EPHA6: variants seen among roughly 807,000 people sequenced by gnomAD.
EPHA6 encodes EPH receptor A6.
A neutral mutation model predicts 112.0 loss-of-function variants in EPHA6; 50 were observed. The ratio of observed to expected loss-of-function variants is 0.45; its 90% confidence interval spans 0.36 to 0.56. EPHA6 has a LOEUF of 0.56. EPHA6 is among the 20% of genes least tolerant of loss of function. EPHA6 has a pLI of 0.00. For missense variants in EPHA6, 1,280 were observed against 1,417.4 expected, an observed-to-expected ratio of 0.90 and a Z score of 1.56; for synonymous variants, 529 against 490.7, an observed-to-expected ratio of 1.08 and a Z score of -1.03.
At chr3:96,987,051 A>G (rs763361325) in intron 2 of EPHA6, among the ~76,000 whole-genome samples, 1 of 152,222 alleles carries the variant, frequency 6.6e-6, no homozygotes, top group East Asian at 1.9e-4. Context: ...TGAAACAGGT[A>G]CTATTATCAG....
chr3:97,709,124 G>C (rs931915340), intron 14 of EPHA6, among the ~76,000 whole-genome samples: 1 of 145,434 alleles, frequency 6.9e-6, no homozygotes, highest in East Asian at 2.1e-4. Flanking sequence ...CAAGACCCCA[G>C]AGTGTTACAT....
At chr3:97,588,721 C>G (rs2093514967) in intron 11 of EPHA6, among the ~76,000 whole-genome samples, 1 of 152,160 alleles carries the variant, frequency 6.6e-6, no homozygotes, top group African/African-American at 2.4e-5. Context: ...TTCTCATGAA[C>G]AGCCCACTAG....
intron 6 of EPHA6, among the ~76,000 whole-genome samples, chr3:97,438,773 C>T (rs1225228107): frequency 6.6e-6 from 1 of 152,104 alleles, no homozygotes; most frequent in Non-Finnish European, 1.5e-5. Flanking sequence ...AACAATGCTA[C>T]GTTACACACC....
At chr3:97,631,206 A>G (rs1317841530) in intron 13 of EPHA6, among the ~76,000 whole-genome samples, 1 of 152,040 alleles carries the variant, frequency 6.6e-6, no homozygotes, top group African/African-American at 2.4e-5. Context: ...CCAAAGGACG[A>G]TCAGTACCCC....
chr3:97,077,536 C>T (rs1395927084), intron 3 of EPHA6, among the ~76,000 whole-genome samples: 1 of 152,120 alleles, frequency 6.6e-6, no homozygotes, highest in African/African-American at 2.4e-5. Context: ...CTATCCCTGC[C>T]CCCGCCCCAT....
chr3:97,169,736 C>T (rs2076640681), intron 3 of EPHA6, among the ~76,000 whole-genome samples: 3 of 152,032 alleles, frequency 2.0e-5, no homozygotes, highest in Admixed American at 1.3e-4. Flanking sequence ...CTCATTTTAC[C>T]TCACCTTAGT....
intron 3 of EPHA6, among the ~76,000 whole-genome samples, chr3:97,053,820 A>G (rs1255579278): frequency 2.6e-5 from 4 of 152,124 alleles, no homozygotes; most frequent in Non-Finnish European, 4.4e-5. Context: ...TTATAGCTGA[A>G]AAAGCTTAAC....
intron 3 of EPHA6, among the ~76,000 whole-genome samples, chr3:97,079,573 C>T (rs1023358547): frequency 7.5e-5 from 11 of 146,660 alleles, no homozygotes; most frequent in South Asian, 6.5e-4. Context: ...GTTTAACAAT[C>T]GTGCACATGT....
intron 3 of EPHA6, among the ~76,000 whole-genome samples, chr3:97,100,533 A>C (rs373308177): frequency 6.6e-6 from 1 of 151,898 alleles, no homozygotes; most frequent in African/African-American, 2.4e-5. Context: ...CACATCATGT[A>C]GCTCTTTAGT....
At chr3:97,462,318 A>G (rs1452588238) in intron 7 of EPHA6, among the ~76,000 whole-genome samples, 1 of 152,138 alleles carries the variant, frequency 6.6e-6, no homozygotes, top group Non-Finnish European at 1.5e-5. Flanking sequence ...GGGAAACTCC[A>G]CTGAGTTCAG....
At chr3:97,001,228 G>A (rs1183376755) in intron 3 of EPHA6, among the ~76,000 whole-genome samples, 1 of 151,468 alleles carries the variant, frequency 6.6e-6, no homozygotes, top group East Asian at 1.9e-4. Context: ...GAACATTTGT[G>A]GTAAACCTTC....
In EPHA6 at chr3:97,261,404, G is replaced by T. The variant is rs2079498559; in HGVS notation, c.1606+17117G>T. Among the ~76,000 whole-genome samples the T allele has an allele frequency of 2.0e-5, 3 of 152,118 alleles. No homozygotes were observed. The South Asian group carries it at 6.2e-4, about 31-fold the overall frequency. ...TAGAATGCCTGTCAACTCTTCCCAT[G>T]GCTAATGTGCTAAAATGAACAATTA... is the stretch of plus-strand genomic sequence containing the variant. On this transcript the variant is annotated intron_variant, in intron 5 of 17. Transcript: ENST00000389672.
intron 3 of EPHA6, among the ~76,000 whole-genome samples, chr3:97,188,306 A>AT (rs2077210734): frequency 1.3e-5 from 2 of 152,272 alleles, no homozygotes; most frequent in South Asian, 4.1e-4. Context: ...ATGTATCAGC[A>AT]TGGATAACTC....
intron 10 of EPHA6, among the ~76,000 whole-genome samples, chr3:97,516,967 G>A (rs988269590): frequency 6.6e-6 from 1 of 152,056 alleles, no homozygotes; most frequent in Non-Finnish European, 1.5e-5. Context: ...ACTAGGTGCT[G>A]TGGAAACAAC....
chr3:97,697,746 G>T (rs1000245638), intron 14 of EPHA6, among the ~76,000 whole-genome samples: 7 of 152,076 alleles, frequency 4.6e-5, no homozygotes, highest in Non-Finnish European at 1.0e-4. Flanking sequence ...ACAGGATGTG[G>T]CACATTGTGG....
chr3:97,671,099 T>C (rs1464073520), intron 14 of EPHA6, among the ~76,000 whole-genome samples: 1 of 152,190 alleles, frequency 6.6e-6, no homozygotes, highest in Non-Finnish European at 1.5e-5. Context: ...TCCTAGAGTC[T>C]CGGTTATCCC....
chr3:97,185,783 T>A (rs1040965817), intron 3 of EPHA6, among the ~76,000 whole-genome samples: 29 of 152,132 alleles, frequency 1.9e-4, no homozygotes, highest in African/African-American at 6.7e-4. Context: ...TTGCGGCAAT[T>A]TTCACAATAG....
chr3:97,328,027 ATGTG>A lies in EPHA6; in HGVS notation c.1607-77121_1607-77118del, dbSNP rs1266827441. On this transcript the variant is annotated intron_variant, in intron 5 of 17. Coordinates refer to ENST00000389672, the MANE Select transcript of EPHA6 (RefSeq NM_001080448.3). ...TATATGTATATGTGTATATATGTATATGTGTATATATACACACATATATACACAT... is the reference window on the plus strand; with the variant it reads ...TATATGTATATGTGTATATATGTATATATATATACACACATATATACACAT... Among the ~76,000 whole-genome samples, 719 of 127,014 alleles carry A rather than the reference ATGTG, an allele frequency of 5.7e-3. 17 individuals carry two copies. Among genetic ancestry groups the A allele is most frequent in the African/African-American group, 0.02 (609 of 30,750 alleles). 83.3% of individuals were successfully genotyped at this position (127,014 alleles called of 152,430 possible).
chr3:97,618,785 A>G (rs1157030039), intron 13 of EPHA6, among the ~76,000 whole-genome samples: 1 of 152,000 alleles, frequency 6.6e-6, no homozygotes, highest in Admixed American at 6.6e-5. Flanking sequence ...TTTCCAACCC[A>G]AAAAAGCCCA....
Sources: allele counts gnomAD v4.1 joint callset (sites outside exome capture counted in the v4.1 genomes callset), GRCh38; gene constraint gnomAD v4.1.1; transcripts MANE v1.5; gene names NCBI Gene and HGNC (gene_info 2026-07-23, HGNC 2026-07-21).